The following APOLD1 variants were observed in gnomAD, a reference collection of about 807,000 sequenced individuals.
The protein encoded by APOLD1 is apolipoprotein L domain containing 1, also known as apolipoprotein L domain-containing protein 1.
A neutral mutation model predicts 15.3 loss-of-function variants in APOLD1; 22 were observed. The observed-to-expected ratio is 1.44, with a 90% CI of 1.03 to 2.05. The LOEUF is 2.05. Among genes scored for constraint, APOLD1 ranks in the 30% most tolerant of loss-of-function variants. The pLI is 0.00. For missense variants in APOLD1, 394 were observed against 353.5 expected (o/e 1.11, Z -0.92); for synonymous variants, 190 against 167.4 (o/e 1.13, Z -1.04).
intron 1 of APOLD1, among the ~76,000 whole-genome samples, chr12:12,775,288 T>C (rs1026446651): frequency 6.6e-6 from 1 of 152,082 alleles, no homozygotes; most frequent in Non-Finnish European, 1.5e-5. Context: ...TGCCAGGGGT[T>C]AGGAGGGAGG....
intron 1 of APOLD1, among the ~76,000 whole-genome samples, chr12:12,756,712 C>G (rs1443245212): frequency 6.6e-6 from 1 of 152,164 alleles, no homozygotes; most frequent in Non-Finnish European, 1.5e-5. Context: ...ATTCTACTTT[C>G]TGTCTCTATA....
At chr12:12,728,261 C>A (rs187162138) in intron 1 of APOLD1, among the ~76,000 whole-genome samples, 9 of 152,230 alleles carry the variant, frequency 5.9e-5, no homozygotes, top group Non-Finnish European at 8.8e-5. Flanking sequence ...GCCACTGAGC[C>A]CAGCCTGTTT....
At chr12:12,748,847 GA>G (rs1946785395) in intron 1 of APOLD1, among the ~76,000 whole-genome samples, 1 of 152,170 alleles carries the variant, frequency 6.6e-6, no homozygotes, top group African/African-American at 2.4e-5. Context: ...ATCTGGGTAA[GA>G]AAGAACAGCT....
At chr12:12,756,915 T>C (rs1565431463) in intron 1 of APOLD1, among the ~76,000 whole-genome samples, 1 of 152,010 alleles carries the variant, frequency 6.6e-6, no homozygotes, top group Admixed American at 6.6e-5. Context: ...GTCTCCAGAG[T>C]AGCTGGGATT....
intron 1 of APOLD1, chr12:12,786,593 C>T (rs1947126225): frequency 2.1e-6 from 2 of 943,656 alleles, no homozygotes; most frequent in Non-Finnish European, 2.5e-6. Flanking sequence ...CACGCCCCTC[C>T]CAGTTTAAAT....
chr12:12,750,056 G>A (rs1052669151), intron 1 of APOLD1, among the ~76,000 whole-genome samples: 1 of 152,048 alleles, frequency 6.6e-6, no homozygotes, highest in African/African-American at 2.4e-5. Flanking sequence ...ATCCCTTCCG[G>A]TAGAGACAAA....
chr12:12,730,090 GAGAGAGAC>G (rs1350284434), intron 1 of APOLD1, among the ~76,000 whole-genome samples: 3 of 150,222 alleles, frequency 2.0e-5, no homozygotes, highest in Non-Finnish European at 4.4e-5. Flanking sequence ...GAGAGAGAGA[GAGAGAGAC>G]AGACAGGTTC....
At position 12,790,446 on chromosome 12, in the gene APOLD1, TA is replaced by T. The variant is rs1947175796; in HGVS notation, c.*2795del. 6.6e-6 allele frequency: 1 copy of T among 152,260 alleles called. No homozygotes were observed. Among genetic ancestry groups the T allele is most frequent in the Admixed American group, 6.5e-5 (1 of 15,288 alleles). The allele number at this position is 152,260 out of a possible 1,614,324, so 9.4% of individuals were successfully genotyped here. A position where few individuals can be genotyped will look rare whatever the true frequency, so the allele number is the denominator to read the frequency against. ...ACAACCATTCCCTAACTCCATCTTT[TA>T]TTAATGCTTAAGTTTAAATTATATT... On this transcript the variant is annotated 3_prime_UTR_variant, in exon 2 of 2. Coordinates refer to ENST00000356591, the MANE Select transcript of APOLD1 (RefSeq NM_030817.3).
At chr12:12,770,561 A>G (rs1035457701) in intron 1 of APOLD1, among the ~76,000 whole-genome samples, 2 of 139,990 alleles carry the variant, frequency 1.4e-5, no homozygotes, top group Non-Finnish European at 3.1e-5. Flanking sequence ...AAGAGAAAAA[A>G]AGACTGAAAA....
chr12:12,750,287 G>A (rs577899550), intron 1 of APOLD1, among the ~76,000 whole-genome samples: 202 of 146,628 alleles, frequency 1.4e-3, no homozygotes, highest in African/African-American at 4.9e-3. Context: ...CAGGAGAATC[G>A]CTTGAACCCG....
intron 1 of APOLD1, among the ~76,000 whole-genome samples, chr12:12,736,303 A>G (rs892890864): frequency 1.3e-5 from 2 of 152,114 alleles, no homozygotes; most frequent in Non-Finnish European, 2.9e-5. Context: ...GTGAGCCAAG[A>G]TCACGCCACT....
In APOLD1 at chr12:12,790,167, C is replaced by A. The variant is rs1294696152; in HGVS notation, c.*2515C>A. On this transcript the variant is annotated 3_prime_UTR_variant, in exon 2 of 2. Coordinates refer to ENST00000356591, the MANE Select transcript of APOLD1 (RefSeq NM_030817.3). ...TACAGATGTGCACCAGCACACCCGG[C>A]TAATTTTTTGTATTTTTAGTAGAGA... The A allele has an allele frequency of 3.9e-5, 6 of 152,136 alleles. No individual in the cohort carries two copies. The highest frequency in any genetic ancestry group is 3.9e-4 in the Admixed American group (6 of 15,258). 9.4% of individuals were successfully genotyped at this position (152,136 alleles called of 1,614,324 possible). A position where few individuals can be genotyped will look rare whatever the true frequency, so the allele number is the denominator to read the frequency against.
At chr12:12,726,033 C>A in exon 1 of APOLD1, 1 of 1,538,888 alleles carries the variant, frequency 6.5e-7, no homozygotes, top group Non-Finnish European at 8.8e-7. Context: ...GGCTGCGGGC[C>A]AGGGGTACTC....
intron 1 of APOLD1, among the ~76,000 whole-genome samples, chr12:12,766,651 C>G (rs1282926479): frequency 6.6e-6 from 1 of 152,114 alleles, no homozygotes; most frequent in African/African-American, 2.4e-5. Context: ...GAGTTTGAGA[C>G]CAGCCTGGCC....
intron 1 of APOLD1, among the ~76,000 whole-genome samples, chr12:12,741,116 T>TC (rs1173617593): frequency 6.6e-6 from 1 of 152,124 alleles, no homozygotes; most frequent in Non-Finnish European, 1.5e-5. Flanking sequence ...TACCTTTCCC[T>TC]CCCCATTTGG....
At chr12:12,731,898 TAA>T (rs1471566920) in intron 1 of APOLD1, among the ~76,000 whole-genome samples, 2 of 152,220 alleles carry the variant, frequency 1.3e-5, no homozygotes, top group Admixed American at 1.3e-4. Flanking sequence ...AGGTTCAGTG[TAA>T]AATCCCTCCC....
intron 1 of APOLD1, among the ~76,000 whole-genome samples, chr12:12,769,173 G>A (rs964860059): frequency 1.9e-4 from 29 of 149,924 alleles, no homozygotes; most frequent in African/African-American, 5.9e-4. Context: ...GGCTGCAGTG[G>A]GCCATGATTA....
intron 1 of APOLD1, among the ~76,000 whole-genome samples, chr12:12,763,518 G>C (rs1029367186): frequency 2.0e-5 from 3 of 151,612 alleles, no homozygotes; most frequent in African/African-American, 7.3e-5. Flanking sequence ...TGTGTGTGGG[G>C]GGGGGGAAAA....
chr12:12,738,020 C>T (rs1401765322), intron 1 of APOLD1, among the ~76,000 whole-genome samples: 2 of 152,184 alleles, frequency 1.3e-5, no homozygotes, highest in East Asian at 1.9e-4. Context: ...TCTTCACAGT[C>T]TTAAGAATGT....
Sources: gnomAD v4.1 joint callset for allele counts (sites outside exome capture counted in the v4.1 genomes callset) on GRCh38, gnomAD v4.1.1 for gene constraint, MANE v1.5 for transcripts, NCBI Gene and HGNC (gene_info 2026-07-23, HGNC 2026-07-21) for gene names.